PLAC1: variants seen among roughly 807,000 people sequenced by gnomAD.
The protein encoded by PLAC1 is placenta-specific protein 1.
For missense variants in PLAC1, 136 were observed against 163.2 expected, an observed-to-expected ratio of 0.83 and a Z score of 0.91; for synonymous variants, 68 against 62.1, an observed-to-expected ratio of 1.09 and a Z score of -0.44.
chrX:134,628,859 T>G (rs1464476328), intron 1 of PLAC1, among the ~76,000 whole-genome samples: 2 of 111,612 alleles, frequency 1.8e-5, no homozygotes, highest in Non-Finnish European at 3.8e-5. Context: ...TAGTTTCTAG[T>G]ATGTCTTCCA....
At chrX:134,639,433 A>G (rs1259748696) in intron 1 of PLAC1, among the ~76,000 whole-genome samples, 1 of 111,364 alleles carries the variant, frequency 9.0e-6, no homozygotes, top group African/African-American at 3.3e-5. Flanking sequence ...GAAGAAAGGA[A>G]CAAGCATTGG....
At chrX:134,583,576 A>G (rs1326097670) in intron 2 of PLAC1, among the ~76,000 whole-genome samples, 4 of 110,433 alleles carry the variant, frequency 3.6e-5, no homozygotes, top group African/African-American at 9.9e-5. Context: ...AAATAGGGAC[A>G]GTTATAATAG....
intron 1 of PLAC1, among the ~76,000 whole-genome samples, chrX:134,751,830 A>G (rs181640499): frequency 2.5e-4 from 28 of 112,170 alleles, no homozygotes; most frequent in African/African-American, 2.9e-4. Context: ...TCTGCTCTGT[A>G]TAAAAATGGG....
At chrX:134,669,156 G>C (rs2078446649) in intron 2 of PLAC1, among the ~76,000 whole-genome samples, 1 of 111,834 alleles carries the variant, frequency 8.9e-6, no homozygotes, top group African/African-American at 3.3e-5. Flanking sequence ...ATCTTTCCAG[G>C]ATCTTCCCTA....
intron 2 of PLAC1, among the ~76,000 whole-genome samples, chrX:134,570,126 C>T (rs533600805): frequency 3.6e-5 from 4 of 112,105 alleles, no homozygotes; most frequent in Middle Eastern, 4.7e-3. Flanking sequence ...GCGTGAGCCA[C>T]CACGTCCGGC....
intron 2 of PLAC1, among the ~76,000 whole-genome samples, chrX:134,569,788 T>TGTGTGTGTGTGTGTGTGTG (rs1365028157): frequency 2.1e-5 from 1 of 47,384 alleles, no homozygotes; most frequent in African/African-American, 8.7e-5. Context: ...GTGTGTGTGT[T>TGTGTGTGTGTGTGTGTGTG]TGTGTGTGTG....
chrX:134,709,059 G>A (rs1047843424), intron 2 of PLAC1, among the ~76,000 whole-genome samples: 1 of 111,900 alleles, frequency 8.9e-6, no homozygotes, highest in African/African-American at 3.3e-5. Context: ...TTAGAATAAA[G>A]TAACCTCAAA....
chrX:134,711,448 C>T (rs1403505687), intron 2 of PLAC1, among the ~76,000 whole-genome samples: 5 of 112,042 alleles, frequency 4.5e-5, no homozygotes, highest in Non-Finnish European at 9.4e-5. Flanking sequence ...AGCTTGTCTG[C>T]AGAGTATCAA....
intron 2 of PLAC1, among the ~76,000 whole-genome samples, chrX:134,673,321 A>G (rs1483158940): frequency 1.1e-5 from 1 of 90,339 alleles, no homozygotes; most frequent in Non-Finnish European, 2.2e-5. Context: ...GGAAGGAAGG[A>G]GGGAAGGGGA....
chrX:134,699,634 TA>T (rs1229432859), intron 2 of PLAC1, among the ~76,000 whole-genome samples: 1 of 112,708 alleles, frequency 8.9e-6, no homozygotes, highest in Non-Finnish European at 1.9e-5. Context: ...GTTGGTTAAT[TA>T]CCCAGTCTGC....
intron 2 of PLAC1, among the ~76,000 whole-genome samples, chrX:134,590,220 A>AAAT (rs1165828410): frequency 8.4e-5 from 7 of 83,005 alleles, no homozygotes; most frequent in African/African-American, 1.6e-4. Context: ...AATAAATAAT[A>AAAT]AATAAATAAA....
chrX:134,660,999 T>C (rs868543628), upstream of PLAC1, among the ~76,000 whole-genome samples: 5 of 106,215 alleles, frequency 4.7e-5, no homozygotes, highest in African/African-American at 6.9e-5. Context: ...CTTTTTTTTT[T>C]CTAATTTCTC....
chrX:134,646,197 A>G (rs2078332629), intron 1 of PLAC1, among the ~76,000 whole-genome samples: 1 of 111,961 alleles, frequency 8.9e-6, no homozygotes, highest in African/African-American at 3.2e-5. Context: ...TGGTGATTTC[A>G]AGGCCAGGTG....
At chrX:134,614,598 C>T (rs1402016802) in intron 1 of PLAC1, among the ~76,000 whole-genome samples, 1 of 107,657 alleles carries the variant, frequency 9.3e-6, no homozygotes, top group African/African-American at 3.4e-5. Context: ...ATATATGATA[C>T]ACACACACAC....
In PLAC1 at chrX:134,701,960, A is replaced by C. The variant is rs1271974966; in HGVS notation, n.174+31475T>G. On this transcript the variant is annotated intron_variant and non_coding_transcript_variant, in intron 2 of 2. Transcript: ENST00000466797. ...CTTGAGCCCGGGAGGCAGAGGTTGCATTGAGCCAAGATTGTGCCACTGCAC... is the reference window on the plus strand; with the variant it reads ...CTTGAGCCCGGGAGGCAGAGGTTGCCTTGAGCCAAGATTGTGCCACTGCAC... 5.3e-5 allele frequency among the ~76,000 whole-genome samples: 6 copies of C among 112,162 alleles called. No individual in the cohort carries two copies. The East Asian group carries it at 1.7e-3, about 31-fold the overall frequency.
chrX:134,743,068 A>G (rs1479555275), intron 1 of PLAC1, among the ~76,000 whole-genome samples: 1 of 112,315 alleles, frequency 8.9e-6, no homozygotes, highest in Non-Finnish European at 1.9e-5. Context: ...AAGAAAAACC[A>G]TGCTCAAGGA....
intron 2 of PLAC1, among the ~76,000 whole-genome samples, chrX:134,575,060 G>C (rs1479463347): frequency 9.0e-6 from 1 of 111,080 alleles, no homozygotes; most frequent in Non-Finnish European, 1.9e-5. Flanking sequence ...AGGCAAGATG[G>C]GTGAATTCTC....
At chrX:134,573,840 G>A (rs2077922365) in intron 2 of PLAC1, among the ~76,000 whole-genome samples, 1 of 111,381 alleles carries the variant, frequency 9.0e-6, no homozygotes, top group Non-Finnish European at 1.9e-5. Context: ...GCCCCACCCA[G>A]AATGTGGTCA....
chrX:134,738,016 G>T (rs2078707504), intron 1 of PLAC1, among the ~76,000 whole-genome samples: 1 of 111,496 alleles, frequency 9.0e-6, no homozygotes, highest in South Asian at 3.8e-4. Flanking sequence ...TCTCAGAACT[G>T]CCAGTTATCC....
Sources: gnomAD v4.1 joint callset for allele counts (sites outside exome capture counted in the v4.1 genomes callset) on GRCh38, gnomAD v4.1.1 for gene constraint, MANE v1.5 for transcripts, NCBI Gene and HGNC (gene_info 2026-07-23, HGNC 2026-07-21) for gene names.